STAM: variants seen among roughly 807,000 people sequenced by gnomAD.
The protein encoded by STAM is signal transducing adapter molecule 1.
In STAM, 16 loss-of-function variants were observed where a neutral mutation model predicts 63.4. The observed-to-expected ratio is 0.25, with a 90% CI of 0.17 to 0.38. STAM has a LOEUF of 0.38. Among genes scored for constraint, STAM ranks in the 10% least tolerant of loss-of-function variants. STAM has a pLI of 1.00. For missense variants in STAM, 636 were observed against 657.1 expected (o/e 0.97, Z 0.35); for synonymous variants, 238 against 223.9 (o/e 1.06, Z -0.56).
intron 6 of STAM, among the ~76,000 whole-genome samples, chr10:17,694,534 A>G (rs1835673301): frequency 6.6e-6 from 1 of 152,174 alleles, no homozygotes; most frequent in Non-Finnish European, 1.5e-5. Context: ...AGTGGTGGAG[A>G]TAGAGACACG....
At chr10:17,651,361 A>AC (rs1189456525) in intron 1 of STAM, among the ~76,000 whole-genome samples, 10 of 152,224 alleles carry the variant, frequency 6.6e-5, no homozygotes, top group African/African-American at 2.4e-4. Flanking sequence ...GCATGTAGTA[A>AC]CCAATGGATA....
chr10:17,697,029 C>T (rs1268719472), intron 8 of STAM, among the ~76,000 whole-genome samples, 160 bp downstream of exon 8: 23 of 152,190 alleles, frequency 1.5e-4, no homozygotes, highest in African/African-American at 5.6e-4. Flanking sequence ...AGGTGATTCT[C>T]CTGCCTCAGC....
rs782044601 is a variant in STAM, at chr10:17,705,023, A to G, written c.1054A>G (p.Arg352Gly). The change falls in exon 11 of 14, where the codon AGA (arginine) becomes GGA (glycine). Residue 352 changes from arginine (R) to glycine (G), a missense_variant and splice_region_variant. Arg to Gly is a moderately radical substitution (Grantham distance 125). Transcript: ENST00000377524. The part of the protein sequence containing the change: ...LIDEKLEDID[R>G]KHSELSELNV... ...TGATGAAAAGCTGGAAGATATTGAT[A>G]GGTAAAAGAACATGGGTGCATTTAT... The G allele has an allele frequency of 2.5e-6, 4 of 1,612,988 alleles. No homozygotes were observed. Among genetic ancestry groups the G allele is most frequent in the Non-Finnish European group, 1.7e-6 (2 of 1,179,274 alleles).
At position 17,666,387 on chromosome 10, in the gene STAM, A is replaced by ATTTTTTTTTTTTTTT. The variant is rs10673746; in HGVS notation, c.125+5850_125+5864dup. The stretch of plus-strand genomic sequence containing the variant: ...TAAAAATGTTTTTCCTTGGCTTTGT[A>ATTTTTTTTTTTTTTT]TTTTTTTTTTTTTTTTTTTTTTTTT... On this transcript the variant is annotated intron_variant, in intron 2 of 13. Transcript: ENST00000377524. Among the ~76,000 whole-genome samples the ATTTTTTTTTTTTTTT allele has an allele frequency of 5.7e-4, 49 of 85,910 alleles. 2 individuals are homozygous for ATTTTTTTTTTTTTTT. Among genetic ancestry groups the ATTTTTTTTTTTTTTT allele is most frequent in the African/African-American group, 2.5e-3 (49 of 19,972 alleles). The allele number at this position is 85,910 out of a possible 152,430, so 56.4% of individuals were successfully genotyped here. A position where few individuals can be genotyped will look rare whatever the true frequency, so the allele number is the denominator to read the frequency against.
chr10:17,644,493 C>T, intron 1 of STAM, 114 bp downstream of exon 1: 1 of 1,312,080 alleles, frequency 7.6e-7, no homozygotes, highest in South Asian at 1.2e-5. Flanking sequence ...CTCGCTCTTC[C>T]CCTTTCCTGA....
At chr10:17,651,410 T>G (rs1833737004) in intron 1 of STAM, among the ~76,000 whole-genome samples, 1 of 152,206 alleles carries the variant, frequency 6.6e-6, no homozygotes, top group Non-Finnish European at 1.5e-5. Flanking sequence ...GAAATAGATG[T>G]GGGGACTATT....
intron 5 of STAM, among the ~76,000 whole-genome samples, chr10:17,689,874 G>C (rs1175384234): frequency 6.6e-6 from 1 of 152,198 alleles, no homozygotes; most frequent in African/African-American, 2.4e-5. Flanking sequence ...GATCTTCAGA[G>C]GATTTATATG....
rs1317192610 is a variant in STAM, at chr10:17,696,250, CATGT to C, written c.729-522_729-519del. On this transcript the variant is annotated intron_variant, in intron 7 of 13. Coordinates refer to ENST00000377524, the MANE Select transcript of STAM (RefSeq NM_003473.4). ...AACCTTACGTCTGTTCTTTCAAAAA[CATGT>C]ATTGAGTGCTTGCTAGCTTTCCATA... The C allele has an allele frequency of 2.0e-5, 3 of 151,702 alleles. No individual in the cohort carries two copies. The East Asian group carries it at 5.8e-4, about 29-fold the overall frequency. The allele number at this position is 151,702 out of a possible 1,614,324, so 9.4% of individuals were successfully genotyped here.
chr10:17,645,387 T>C (rs1833480958), intron 1 of STAM, among the ~76,000 whole-genome samples: 1 of 152,216 alleles, frequency 6.6e-6, no homozygotes, highest in Non-Finnish European at 1.5e-5. Context: ...CTTTTTAAAC[T>C]CTTCCTTAGA....
At chr10:17,652,891 G>A (rs952347923) in intron 1 of STAM, among the ~76,000 whole-genome samples, 1 of 152,064 alleles carries the variant, frequency 6.6e-6, no homozygotes, top group Non-Finnish European at 1.5e-5. Flanking sequence ...GTATATATTG[G>A]GTTTCTTTTA....
chr10:17,654,708 A>G (rs922968611), intron 1 of STAM, among the ~76,000 whole-genome samples: 2 of 152,170 alleles, frequency 1.3e-5, no homozygotes, highest in South Asian at 4.1e-4. Flanking sequence ...TTGAGCAATG[A>G]TAGGTAAATT....
At chr10:17,709,175 G>C (rs1836442928) in intron 13 of STAM, among the ~76,000 whole-genome samples, 1 of 152,020 alleles carries the variant, frequency 6.6e-6, no homozygotes, top group African/African-American at 2.4e-5. Flanking sequence ...TCTGGTTTCA[G>C]CCTTATATTT....
intron 2 of STAM, among the ~76,000 whole-genome samples, chr10:17,673,954 A>G (rs1231317112): frequency 6.6e-6 from 1 of 152,202 alleles, no homozygotes; most frequent in African/African-American, 2.4e-5. Context: ...AGAGATGTGT[A>G]AGCTCTGATC....
chr10:17,709,968 A>ATTTTTTTTTTTTTT (rs1457707425), intron 13 of STAM, among the ~76,000 whole-genome samples: 1 of 148,546 alleles, frequency 6.7e-6, no homozygotes, highest in Non-Finnish European at 1.5e-5. Context: ...CTCTTGCAGG[A>ATTTTTTTTTTTTTT]TTTTTTTTTA....
At chr10:17,651,099 A>G (rs1247846172) in intron 1 of STAM, among the ~76,000 whole-genome samples, 1 of 150,928 alleles carries the variant, frequency 6.6e-6, no homozygotes, top group Admixed American at 6.6e-5. Context: ...AAAGTTCTGA[A>G]GAATCTACCG....
rs952706357 is a variant in STAM at position 17,705,570 on chromosome 10, T to C, written c.1056-18T>C. ...TTTTAGTAACAGCTATGCTTCAAAT[T>C]ATTGTGTCATGTTTCAGAAAACATT... On this transcript the variant is annotated intron_variant, in intron 11 of 13. Coordinates refer to ENST00000377524, the MANE Select transcript of STAM (RefSeq NM_003473.4). The C allele has an allele frequency of 1.9e-6, 3 of 1,604,320 alleles. No individual in the cohort carries two copies. Among genetic ancestry groups the C allele is most frequent in the Non-Finnish European group, 2.5e-6 (3 of 1,176,608 alleles).
intron 13 of STAM, among the ~76,000 whole-genome samples, chr10:17,712,136 G>T (rs1409918618): frequency 6.6e-6 from 1 of 152,206 alleles, no homozygotes; most frequent in African/African-American, 2.4e-5. Context: ...CATTTAAGGG[G>T]TATTTAGTAT....
At chr10:17,646,645 G>C (rs1184982291) in intron 1 of STAM, among the ~76,000 whole-genome samples, 1 of 152,160 alleles carries the variant, frequency 6.6e-6, no homozygotes, top group Non-Finnish European at 1.5e-5. Flanking sequence ...AAGTTGCTCA[G>C]GTTTTGGTAT....
intron 1 of STAM, among the ~76,000 whole-genome samples, chr10:17,651,820 C>T (rs960393611): frequency 6.6e-6 from 1 of 152,186 alleles, no homozygotes; most frequent in African/African-American, 2.4e-5. Context: ...GTTACATCTT[C>T]GGGCTGACTG....
Sources: gnomAD v4.1 joint callset for allele counts (sites outside exome capture counted in the v4.1 genomes callset) on GRCh38, gnomAD v4.1.1 for gene constraint, MANE v1.5 for transcripts, NCBI Gene and HGNC (gene_info 2026-07-23, HGNC 2026-07-21) for gene names.